The following CHD9 variants were observed in gnomAD, a reference collection of about 807,000 sequenced individuals.
CHD9 encodes the protein chromodomain helicase DNA binding protein 9, also known as ATP-dependent chromatin remodeler CHD9.
A neutral mutation model predicts 316.1 loss-of-function variants in CHD9; 77 were observed. The ratio of observed to expected loss-of-function variants is 0.24; its 90% CI spans 0.20 to 0.29. The LOEUF is 0.29. CHD9 is among the 10% of genes least tolerant of loss of function. The pLI is 1.00. For synonymous variants in CHD9, 1,129 were observed against 1,158.3 expected (o/e 0.97, Z 0.51); for missense variants, 2,763 against 3,438.1 (o/e 0.80, Z 4.91).
rs189750608 is a variant in CHD9 at position 53,232,241 on chromosome 16, G to C, written c.2511+457G>C. Among the ~76,000 whole-genome samples, 130 of 152,248 alleles carry C rather than the reference G, an allele frequency of 8.5e-4. 2 individuals are homozygous for C. Among genetic ancestry groups the C allele is most frequent in the Admixed American group, 2.2e-3 (34 of 15,272 alleles). On this transcript the variant is annotated intron_variant, in intron 10 of 38. Coordinates refer to ENST00000447540, the MANE Select transcript of CHD9 (RefSeq NM_001308319.2). Reference sequence around the variant, plus strand: ...GGAAACAGAAGCGTCACCTAATTCAGAGAGGAATGAGTCAAGGAATGTAGT... The same window carrying C: ...GGAAACAGAAGCGTCACCTAATTCACAGAGGAATGAGTCAAGGAATGTAGT...
At chr16:53,250,320 T>C (rs1407029299) in intron 17 of CHD9, 3 of 400,068 alleles carry the variant, frequency 7.5e-6, no homozygotes, top group African/African-American at 6.3e-5. Flanking sequence ...TATACCTAAT[T>C]GAGTACAGTA....
At chr16:53,079,782 A>T (rs1398203441) in intron 1 of CHD9, among the ~76,000 whole-genome samples, 1 of 152,196 alleles carries the variant, frequency 6.6e-6, no homozygotes, top group African/African-American at 2.4e-5. Context: ...GTTGGTGAAC[A>T]CTTGGAAGAA....
rs756868450 is a variant in CHD9, at chr16:53,321,643, C to T, written c.7818+13C>T. 1.6e-5 allele frequency: 22 copies of T among 1,350,702 alleles called. No individual in the cohort carries two copies. Among genetic ancestry groups the T allele is most frequent in the Admixed American group, 1.4e-4 (7 of 49,660 alleles). 83.7% of individuals were successfully genotyped at this position (1,350,702 alleles called of 1,614,324 possible). A position where few individuals can be genotyped will look rare whatever the true frequency, so the allele number is the denominator to read the frequency against. On this transcript the variant is annotated intron_variant, in intron 38 of 38. Coordinates refer to ENST00000447540, the MANE Select transcript of CHD9 (RefSeq NM_001308319.2). Reference sequence around the variant, plus strand: ...TGTTAAGCAATCTGTGAGTATTTTACGAATACTAACTCATACATTATTTTC... The same window carrying T: ...TGTTAAGCAATCTGTGAGTATTTTATGAATACTAACTCATACATTATTTTC...
Position 53,318,254 on chromosome 16 carries a change from C to T in CHD9, c.7627C>T (p.Arg2543Cys). ...HEGRPKQKRH[R>C]CRNPNKLDVN... ...GGGAAGACCCAAACAAAAAAGACAC[C>T]GTTGCAGAAACCCCAATAAACTAGA... The change falls in exon 37 of 39, where the codon CGT becomes TGT. Residue 2543 changes from arginine to cysteine, a missense_variant. Transcript: ENST00000447540. 6.2e-7 allele frequency: 1 copy of T among 1,612,794 alleles called. No homozygotes were observed. Among genetic ancestry groups the T allele is most frequent in the Non-Finnish European group, 8.5e-7 (1 of 1,179,222 alleles).
intron 1 of CHD9, among the ~76,000 whole-genome samples, chr16:53,105,909 G>A (rs1262407343): frequency 2.0e-5 from 3 of 149,968 alleles, no homozygotes; most frequent in African/African-American, 7.4e-5. Flanking sequence ...TACAGCCTCC[G>A]CGTCCTGGGT....
intron 1 of CHD9, among the ~76,000 whole-genome samples, chr16:53,091,012 A>C (rs2035896134): frequency 6.8e-6 from 1 of 146,452 alleles, no homozygotes. Flanking sequence ...CCCCCCCCCG[A>C]CTGACCGCGG....
At chr16:53,262,438 A>G (rs1409672656) in intron 19 of CHD9, among the ~76,000 whole-genome samples, 6 of 152,228 alleles carry the variant, frequency 3.9e-5, no homozygotes, top group Non-Finnish European at 7.4e-5. Flanking sequence ...TACAGTGGTT[A>G]TGCAGTGTTT....
At chr16:53,066,227 T>C (rs2033493288) in intron 1 of CHD9, among the ~76,000 whole-genome samples, 1 of 152,130 alleles carries the variant, frequency 6.6e-6, no homozygotes, top group Non-Finnish European at 1.5e-5. Context: ...GCATCACAAT[T>C]TTAAACTCTT....
At chr16:53,231,305 C>T (rs538675634) in intron 8 of CHD9, 114 bp from the exon 9 acceptor site, 4 of 529,140 alleles carry the variant, frequency 7.6e-6, no homozygotes, top group Non-Finnish European at 1.0e-5. Context: ...ATTTATTGGA[C>T]ATTTAACTGA....
At chr16:53,249,818 T>C in intron 16 of CHD9, 53 bp from the exon 17 acceptor site, 1 of 1,343,178 alleles carries the variant, frequency 7.4e-7, no homozygotes, top group Admixed American at 1.7e-5. Flanking sequence ...ATAGAATATG[T>C]CTTCAGTTTT....
chr16:53,198,349 TCGCTCTATCG>T (rs1415815332), intron 2 of CHD9, among the ~76,000 whole-genome samples: 1 of 145,350 alleles, frequency 6.9e-6, no homozygotes, highest in East Asian at 2.1e-4. Flanking sequence ...AGACAGAGTC[TCGCTCTATCG>T]CCAGGCTAGA....
At chr16:53,122,037 ATC>A (rs1283715152) in intron 1 of CHD9, 1 of 152,232 alleles carries the variant, frequency 6.6e-6, no homozygotes, top group Admixed American at 6.5e-5. Flanking sequence ...TAAGTTATGA[ATC>A]TGCATAAAAT....
At chr16:53,193,126 G>T (rs1231081950) in intron 2 of CHD9, among the ~76,000 whole-genome samples, 1 of 152,040 alleles carries the variant, frequency 6.6e-6, no homozygotes, top group Non-Finnish European at 1.5e-5. Context: ...TCCATATCCT[G>T]TCTAGCACTA....
intron 1 of CHD9, among the ~76,000 whole-genome samples, chr16:53,066,421 A>C (rs1229220972): frequency 6.6e-6 from 1 of 152,204 alleles, no homozygotes; most frequent in Non-Finnish European, 1.5e-5. Context: ...AGCCTTAAAA[A>C]ATGTACATTA....
chr16:53,261,600 C>G (rs2051136808), intron 19 of CHD9, among the ~76,000 whole-genome samples: 1 of 152,170 alleles, frequency 6.6e-6, no homozygotes, highest in East Asian at 1.9e-4. Flanking sequence ...TGGTCTTGAA[C>G]TTGTGGGCTC....
chr16:53,187,313 G>C (rs1003522446), intron 2 of CHD9, among the ~76,000 whole-genome samples: 4 of 152,068 alleles, frequency 2.6e-5, no homozygotes, highest in African/African-American at 9.7e-5. Flanking sequence ...TTTGAGACCA[G>C]CTTGGGCAAC....
At chr16:53,275,818 A>G (rs1369174707) in intron 24 of CHD9, among the ~76,000 whole-genome samples, 1 of 152,204 alleles carries the variant, frequency 6.6e-6, no homozygotes, top group African/African-American at 2.4e-5. Flanking sequence ...AAGAAGGTTT[A>G]TGGTGACTGA....
At chr16:53,121,274 T>C (rs1159087089) in intron 1 of CHD9, 8 of 440,756 alleles carry the variant, frequency 1.8e-5, no homozygotes, top group South Asian at 9.7e-5. Flanking sequence ...CATTTCATCC[T>C]TTTGATCTCT....
intron 2 of CHD9, among the ~76,000 whole-genome samples, chr16:53,206,440 A>G (rs991576432): frequency 1.3e-5 from 2 of 152,028 alleles, no homozygotes; most frequent in African/African-American, 4.8e-5. Flanking sequence ...CTTTGTCCTC[A>G]AATTAAACTC....
Sources: allele counts gnomAD v4.1 joint callset (sites outside exome capture counted in the v4.1 genomes callset), GRCh38; gene constraint gnomAD v4.1.1; transcripts MANE v1.5; gene names NCBI Gene and HGNC (gene_info 2026-07-23, HGNC 2026-07-21).